Variants in PDE8B observed in about 807,000 individuals in gnomAD.
The protein encoded by PDE8B is high affinity cAMP-specific and IBMX-insensitive 3',5'-cyclic phosphodiesterase 8B.
Under a neutral mutation model 101.3 loss-of-function variants are expected in PDE8B, and 26 were observed. The observed-to-expected ratio is 0.26, with a 90% CI of 0.19 to 0.36. The LOEUF (loss-of-function observed/expected upper bound fraction) is 0.36. Among genes scored for constraint, PDE8B ranks in the 10% least tolerant of loss-of-function variants. The pLI, the probability that PDE8B is intolerant of heterozygous loss-of-function variation, is 1.00. For synonymous variants in PDE8B, 424 were observed against 429.3 expected (o/e 0.99, Z 0.15); for missense variants, 810 against 1,163.1 (o/e 0.70, Z 4.42).
the PDE8B span, among the ~76,000 whole-genome samples, chr5:77,142,700 C>A: frequency 6.6e-6 from 1 of 151,886 alleles, no homozygotes; most frequent in South Asian, 2.1e-4. Flanking sequence ...GATAGATTCC[C>A]AAGCAGGAAG....
In PDE8B at chr5:77,419,518, A is replaced by G. The variant is rs143669650; in HGVS notation, c.2130-249A>G. 2.1e-4 allele frequency among the ~76,000 whole-genome samples: 32 copies of G among 152,326 alleles called. No individual in the cohort carries two copies. In the East Asian group the frequency reaches 6.0e-3, roughly 28 times the overall value. ...TTGTCAGATAAACGTCCACCATGTG[A>G]CAGGTACCTTCTCTCTTTTTTAAAA... is the stretch of plus-strand genomic sequence containing the variant. On this transcript the variant is annotated intron_variant, in intron 18 of 21. Coordinates refer to ENST00000264917, the MANE Select transcript of PDE8B (RefSeq NM_003719.5).
chr5:77,410,835 TA>T (rs59412910), intron 14 of PDE8B: 28,182 of 152,036 alleles, frequency 0.19, 3,182 homozygotes, highest in East Asian at 0.4. Flanking sequence ...TCTTTTTTTT[TA>T]AATTTAATTT....
chr5:77,237,719 C>T (rs1754981614), intron 1 of PDE8B, among the ~76,000 whole-genome samples: 1 of 152,166 alleles, frequency 6.6e-6, no homozygotes, highest in Admixed American at 6.5e-5. Flanking sequence ...CAAGTTTTCT[C>T]CTAGTATCAA....
At chr5:77,406,657 C>T (rs1793521088) in intron 12 of PDE8B, among the ~76,000 whole-genome samples, 1 of 152,190 alleles carries the variant, frequency 6.6e-6, no homozygotes, top group African/African-American at 2.4e-5. Context: ...GTTCAGTGAT[C>T]CCATCCATGA....
chr5:77,366,565 G>A (rs892307064), intron 10 of PDE8B, among the ~76,000 whole-genome samples: 2 of 152,112 alleles, frequency 1.3e-5, no homozygotes, highest in Middle Eastern at 3.2e-3. Flanking sequence ...GCTGTCAGGG[G>A]CTCTTCCTCT....
rs964257799 is a variant in PDE8B at position 77,353,326 on chromosome 5, A to T, written c.1107-20A>T. The T allele has an allele frequency of 7.3e-7, 1 of 1,376,372 alleles. No homozygotes were observed. The highest frequency in any genetic ancestry group is 1.0e-6 in the Non-Finnish European group (1 of 963,024). 85.3% of individuals were successfully genotyped at this position (1,376,372 alleles called of 1,614,324 possible). ...ATCATCTCATATCTGACTCACTAAT[A>T]ACTGATTATTTGTTATTAGGAAAAT... On this transcript the variant is annotated intron_variant, in intron 9 of 21. Transcript: ENST00000264917.
chr5:77,118,281 T>C, the PDE8B span: 28 of 398,148 alleles, frequency 7.0e-5, no homozygotes, highest in African/African-American at 5.1e-4. Flanking sequence ...TTTAGAAGCA[T>C]CTAAATTTTA....
In PDE8B at chr5:77,408,904, A is replaced by T. The variant is rs1439472747; in HGVS notation, c.1377A>T (p.Ile459=). ...CTTCACTCCGTTAGGTTATAAATATAATCAATGCAGCCCAAGAAAACAGCC... is the reference window on the plus strand; with the variant it reads ...CTTCACTCCGTTAGGTTATAAATATTATCAATGCAGCCCAAGAAAACAGCC... The part of the protein sequence containing the change: ...IEAPITKVIN[I]INAAQENSPV... The change falls in exon 14 of 22, where the codon ATA becomes ATT. Residue 459 remains isoleucine, a synonymous_variant. Coordinates refer to ENST00000264917, the MANE Select transcript of PDE8B (RefSeq NM_003719.5). 1 of 1,613,086 alleles carries T rather than the reference A, an allele frequency of 6.2e-7. No individual in the cohort carries two copies. Among genetic ancestry groups the T allele is most frequent in the Non-Finnish European group, 8.5e-7 (1 of 1,179,032 alleles).
At chr5:77,216,661 G>A (rs370394712) in intron 1 of PDE8B, among the ~76,000 whole-genome samples, 16 of 152,292 alleles carry the variant, frequency 1.1e-4, no homozygotes, top group East Asian at 9.7e-4. Context: ...ATGGGAATCT[G>A]AGAAACCAAA....
At chr5:77,290,954 C>A (rs879117412) in intron 1 of PDE8B, 1 of 1,611,458 alleles carries the variant, frequency 6.2e-7, no homozygotes, top group Non-Finnish European at 8.5e-7. Flanking sequence ...GAGCAGATAC[C>A]GGCACAGCAA....
At chr5:77,259,349 A>C (rs1367618911) in intron 1 of PDE8B, among the ~76,000 whole-genome samples, 2 of 152,168 alleles carry the variant, frequency 1.3e-5, no homozygotes, top group African/African-American at 4.8e-5. Context: ...ATTGGAATGT[A>C]AGCTTCTCTC....
chr5:77,291,837 T>C, intron 1 of PDE8B: 3 of 1,521,850 alleles, frequency 2.0e-6, no homozygotes, highest in Non-Finnish European at 2.7e-6. Flanking sequence ...TAATTTGAGG[T>C]GTTCGGCAGC....
At chr5:77,202,884 G>C in the PDE8B span, among the ~76,000 whole-genome samples, 1 of 152,238 alleles carries the variant, frequency 6.6e-6, no homozygotes, top group Admixed American at 6.5e-5. Context: ...ACAGGTTAGA[G>C]CCAATGTGCC....
chr5:77,337,085 C>A, intron 5 of PDE8B, 142 bp from the exon 6 acceptor site: 1 of 649,388 alleles, frequency 1.5e-6, no homozygotes, highest in Non-Finnish European at 2.8e-6. Flanking sequence ...AACACCTTGA[C>A]AGCTGTTTCA....
At chr5:77,375,043 A>G (rs1311907278) in intron 10 of PDE8B, among the ~76,000 whole-genome samples, 4 of 152,362 alleles carry the variant, frequency 2.6e-5, no homozygotes, top group East Asian at 1.9e-4. Flanking sequence ...ACACTGAAAC[A>G]GTTCCCAGAG....
intron 4 of PDE8B, among the ~76,000 whole-genome samples, chr5:77,330,247 T>C (rs1462830266): frequency 6.6e-6 from 1 of 152,186 alleles, no homozygotes; most frequent in Non-Finnish European, 1.5e-5. Context: ...CCACACAGCA[T>C]TTTTCCCAAG....
chr5:77,335,900 C>T (rs1190454150), intron 5 of PDE8B, among the ~76,000 whole-genome samples: 1 of 151,760 alleles, frequency 6.6e-6, no homozygotes. Flanking sequence ...TTTCTGATTT[C>T]ATTATTTCTC....
At chr5:77,183,129 A>ATTATTATTATTATT in the PDE8B span, among the ~76,000 whole-genome samples, 1,215 of 148,066 alleles carry the variant, frequency 8.2e-3, 14 homozygotes, top group African/African-American at 0.023. Context: ...TATTATTATT[A>ATTATTATTATTATT]ATTATTTTGA....
At chr5:77,163,023 T>C in the PDE8B span, among the ~76,000 whole-genome samples, 1 of 152,256 alleles carries the variant, frequency 6.6e-6, no homozygotes, top group Non-Finnish European at 1.5e-5. Flanking sequence ...GGAGCACTTA[T>C]CTTACTCTTG....
Sources: gnomAD v4.1 joint callset for allele counts (sites outside exome capture counted in the v4.1 genomes callset) on GRCh38, gnomAD v4.1.1 for gene constraint, MANE v1.5 for transcripts, NCBI Gene and HGNC (gene_info 2026-07-23, HGNC 2026-07-21) for gene names.